Variants in DGKI observed in about 807,000 individuals in gnomAD.
DGKI encodes DAG kinase iota.
In DGKI, 55 loss-of-function variants were observed where a neutral mutation model predicts 147.5. That is an observed-to-expected ratio of 0.37 (90% CI 0.30 to 0.47). The LOEUF (loss-of-function observed/expected upper bound fraction) is 0.47. DGKI is among the 20% of genes least tolerant of loss of function. The pLI, the probability that DGKI is intolerant of heterozygous loss-of-function variation, is 1.00. For missense variants in DGKI, 1,007 were observed against 1,323.8 expected (o/e 0.76, Z 3.71); for synonymous variants, 469 against 477.1 (o/e 0.98, Z 0.22).
At chr7:137,559,062 CTTTTTTTTTT>C (rs71177910) in intron 19 of DGKI, among the ~76,000 whole-genome samples, 2 of 83,614 alleles carry the variant, frequency 2.4e-5, no homozygotes, top group Non-Finnish European at 4.5e-5. Context: ...ACCTACAATT[CTTTTTTTTTT>C]TTTTTTTTTT....
In DGKI at chr7:137,531,674, C is replaced by T. The variant is rs548439742; in HGVS notation, c.2148-9708G>A. On this transcript the variant is annotated intron_variant, in intron 20 of 32. Transcript: ENST00000614521. ...TTAAACTTAATTGTTATTTAAAATGCTAAAAATCTTCCCCAGGATTTGCAA... is the reference window on the plus strand; with the variant it reads ...TTAAACTTAATTGTTATTTAAAATGTTAAAAATCTTCCCCAGGATTTGCAA... Among the ~76,000 whole-genome samples, 14 of 152,266 alleles carry T rather than the reference C, an allele frequency of 9.2e-5. No individual in the cohort carries two copies. In the South Asian group the frequency reaches 2.9e-3, roughly 32 times the overall value.
At chr7:137,649,372 G>A (rs1821942901) in intron 5 of DGKI, among the ~76,000 whole-genome samples, 1 of 152,068 alleles carries the variant, frequency 6.6e-6, no homozygotes, top group Admixed American at 6.6e-5. Context: ...CCTTAACACT[G>A]CAAATGTGAC....
intron 1 of DGKI, among the ~76,000 whole-genome samples, chr7:137,822,018 A>G (rs1169344641): frequency 6.6e-6 from 1 of 152,226 alleles, no homozygotes; most frequent in Non-Finnish European, 1.5e-5. Context: ...TACACCAGAG[A>G]GAACTAGAAA....
At chr7:137,843,099 T>G (rs1183913375) in intron 1 of DGKI, among the ~76,000 whole-genome samples, 1 of 152,198 alleles carries the variant, frequency 6.6e-6, no homozygotes, top group Non-Finnish European at 1.5e-5. Flanking sequence ...ATAGTCATAG[T>G]CACATCACAG....
intron 1 of DGKI, among the ~76,000 whole-genome samples, chr7:137,810,192 G>A (rs1797518726): frequency 6.6e-6 from 1 of 152,120 alleles, no homozygotes; most frequent in South Asian, 2.1e-4. Flanking sequence ...TTGAGTAAAA[G>A]AGTAATTGAC....
At chr7:137,681,277 G>A (rs989720274) in intron 2 of DGKI, among the ~76,000 whole-genome samples, 8 of 152,132 alleles carry the variant, frequency 5.3e-5, no homozygotes, top group African/African-American at 1.9e-4. Flanking sequence ...TTTTTTCAAG[G>A]AAGTCAATGG....
intron 1 of DGKI, among the ~76,000 whole-genome samples, chr7:137,778,637 TG>T (rs138943798): frequency 0.013 from 1,934 of 151,620 alleles, 60 homozygotes; most frequent in African/African-American, 0.044. Flanking sequence ...AAAGTGAACA[TG>T]GTTAGGCAAA....
At position 137,552,394 on chromosome 7, in the gene DGKI, T is replaced by C. The variant is rs536301474; in HGVS notation, c.2122A>G (p.Arg708Gly). The C allele has an allele frequency of 6.2e-7, 1 of 1,613,552 alleles. No homozygotes were observed. The highest frequency in any genetic ancestry group is 2.2e-5 in the East Asian group (1 of 44,880). Residue 708 changes from arginine to glycine, a missense_variant, in exon 20 of 33, where the codon AGA (arginine) becomes GGA (glycine). By Grantham distance (125) the Arg-to-Gly change is moderately radical (BLOSUM62 -2). Transcript: ENST00000614521. ...TCATTGAGTAAAGGCATGGATGTTC[T>C]CCTCTTGCTCTTCTGTACCATGTTG... is the stretch of plus-strand genomic sequence containing the variant. ...QANMVQKSKR[R>G]TSMPLLNDPQ...
intron 27 of DGKI, among the ~76,000 whole-genome samples, chr7:137,455,368 T>C (rs1438075793): frequency 6.6e-6 from 1 of 152,104 alleles, no homozygotes; most frequent in Non-Finnish European, 1.5e-5. Flanking sequence ...CATAGTAATA[T>C]TGAAAACAAG....
intron 1 of DGKI, among the ~76,000 whole-genome samples, chr7:137,831,365 A>T (rs1798215508): frequency 6.6e-6 from 1 of 152,224 alleles, no homozygotes; most frequent in Admixed American, 6.5e-5. Flanking sequence ...GAAGAAAAAC[A>T]GGTTTACTGG....
chr7:137,496,625 G>A (rs57084050), intron 21 of DGKI, among the ~76,000 whole-genome samples: 7,566 of 152,050 alleles, frequency 0.05, 624 homozygotes, highest in African/African-American at 0.17. Flanking sequence ...AAACAGAATA[G>A]AGAGTGCAGA....
At chr7:137,732,886 C>T in intron 1 of DGKI, among the ~76,000 whole-genome samples, 1 of 151,814 alleles carries the variant, frequency 6.6e-6, no homozygotes, top group East Asian at 1.9e-4. Flanking sequence ...GAGATCCCCC[C>T]CATTCTTTAT....
intron 19 of DGKI, among the ~76,000 whole-genome samples, chr7:137,555,915 C>A (rs1401503168): frequency 1.3e-5 from 2 of 151,734 alleles, no homozygotes; most frequent in Non-Finnish European, 2.9e-5. Context: ...AAAAGCAGTA[C>A]AAGAAAACAA....
intron 8 of DGKI, among the ~76,000 whole-genome samples, chr7:137,616,514 G>A (rs1820536578): frequency 6.6e-6 from 1 of 152,070 alleles, no homozygotes; most frequent in Non-Finnish European, 1.5e-5. Context: ...CTGATTCCAG[G>A]TATGGACAGG....
chr7:137,712,049 T>C (rs1476340355), intron 1 of DGKI, among the ~76,000 whole-genome samples: 2 of 152,170 alleles, frequency 1.3e-5, no homozygotes, highest in Non-Finnish European at 2.9e-5. Flanking sequence ...GGCATTTAAG[T>C]GCTTGGCACA....
intron 2 of DGKI, among the ~76,000 whole-genome samples, chr7:137,684,849 G>T (rs1472159100): frequency 1.3e-5 from 2 of 152,156 alleles, no homozygotes; most frequent in Admixed American, 1.3e-4. Context: ...GAAGAGGGGG[G>T]CCTGACGCCC....
chr7:137,413,712 C>G (rs996005657), intron 28 of DGKI, among the ~76,000 whole-genome samples: 2 of 152,126 alleles, frequency 1.3e-5, no homozygotes, highest in Admixed American at 1.3e-4. Context: ...GATTCCAGGT[C>G]TTTACTATTG....
intron 20 of DGKI, among the ~76,000 whole-genome samples, chr7:137,533,156 G>T: frequency 6.6e-6 from 1 of 151,932 alleles, no homozygotes; most frequent in East Asian, 1.9e-4. Flanking sequence ...AAGCACGGTG[G>T]CATGCAACTG....
intron 1 of DGKI, among the ~76,000 whole-genome samples, chr7:137,808,219 G>A (rs554190585): frequency 6.6e-6 from 1 of 151,894 alleles, no homozygotes; most frequent in Non-Finnish European, 1.5e-5. Context: ...CCATTTTGCT[G>A]GTATATAAAC....
Sources: allele counts gnomAD v4.1 joint callset (sites outside exome capture counted in the v4.1 genomes callset), GRCh38; gene constraint gnomAD v4.1.1; transcripts MANE v1.5; gene names NCBI Gene and HGNC (gene_info 2026-07-23, HGNC 2026-07-21).